The following CNTNAP5 variants were observed in gnomAD, a reference collection of about 807,000 sequenced individuals.
The protein encoded by CNTNAP5 is contactin associated protein family member 5, also known as contactin-associated protein-like 5.
A neutral mutation model predicts 150.2 loss-of-function variants in CNTNAP5; 72 were observed. The ratio of observed to expected loss-of-function variants is 0.48; its 90% CI spans 0.40 to 0.58. The LOEUF is 0.58. CNTNAP5 is among the 20% of genes least tolerant of loss of function. CNTNAP5 has a pLI of 0.00. For missense variants in CNTNAP5, 1,636 were observed against 1,626.2 expected (o/e 1.01, Z -0.10); for synonymous variants, 672 against 619.8 (o/e 1.08, Z -1.25).
At chr2:124,079,317 C>A (rs1490771265) in intron 1 of CNTNAP5, among the ~76,000 whole-genome samples, 1 of 152,148 alleles carries the variant, frequency 6.6e-6, no homozygotes, top group East Asian at 1.9e-4. Flanking sequence ...CCCATCACAC[C>A]ACGCCTCCTC....
chr2:124,375,331 T>A (rs913668732), intron 3 of CNTNAP5, among the ~76,000 whole-genome samples: 1 of 152,098 alleles, frequency 6.6e-6, no homozygotes, highest in Non-Finnish European at 1.5e-5. Context: ...ACATCACCAA[T>A]GAAAAAGCAT....
intron 13 of CNTNAP5, among the ~76,000 whole-genome samples, chr2:124,664,982 T>C (rs1418612965): frequency 2.6e-5 from 4 of 152,206 alleles, no homozygotes; most frequent in Admixed American, 2.0e-4. Flanking sequence ...CCACTGCACC[T>C]GGCCAGGAAG....
intron 19 of CNTNAP5, among the ~76,000 whole-genome samples, chr2:124,839,093 G>T (rs1048922240): frequency 7.9e-5 from 12 of 152,178 alleles, no homozygotes; most frequent in East Asian, 5.8e-4. Flanking sequence ...ATCAAAGAAG[G>T]CTCCCCTGGT....
intron 16 of CNTNAP5, 67 bp from the exon 17 acceptor site, chr2:124,772,732 C>A: frequency 8.2e-7 from 1 of 1,225,362 alleles, no homozygotes; most frequent in Non-Finnish European, 1.2e-6. Context: ...GTTTCTCCCA[C>A]TCAAGCCTGT....
intron 20 of CNTNAP5, among the ~76,000 whole-genome samples, chr2:124,867,755 T>C (rs1301629714): frequency 6.6e-6 from 1 of 152,214 alleles, no homozygotes; most frequent in African/African-American, 2.4e-5. Flanking sequence ...TTAAATTTCA[T>C]GTACATGCTG....
chr2:124,746,681 T>A (rs1680609761), intron 13 of CNTNAP5, among the ~76,000 whole-genome samples: 1 of 152,196 alleles, frequency 6.6e-6, no homozygotes, highest in Non-Finnish European at 1.5e-5. Context: ...AACTTCCTCA[T>A]TGTCTACCCA....
At chr2:124,690,641 C>T (rs1412868155) in intron 13 of CNTNAP5, among the ~76,000 whole-genome samples, 1 of 152,014 alleles carries the variant, frequency 6.6e-6, no homozygotes, top group East Asian at 1.9e-4. Flanking sequence ...TATTCCTCTA[C>T]ACTTCCCCTA....
At chr2:124,913,274 G>A (rs1450099316) in intron 23 of CNTNAP5, among the ~76,000 whole-genome samples, 2 of 152,040 alleles carry the variant, frequency 1.3e-5, no homozygotes, top group East Asian at 3.9e-4. Context: ...CTACATTCAT[G>A]CAGAGACACA....
chr2:124,434,816 G>A (rs975755058), intron 5 of CNTNAP5, 129 bp downstream of exon 5: 8 of 766,968 alleles, frequency 1.0e-5, no homozygotes, highest in African/African-American at 1.7e-5. Context: ...TATTGGTGGG[G>A]ATAGAAATGT....
chr2:124,155,170 A>T (rs1448774044), intron 1 of CNTNAP5, among the ~76,000 whole-genome samples: 1 of 143,762 alleles, frequency 7.0e-6, no homozygotes, highest in Non-Finnish European at 1.5e-5. Flanking sequence ...TCCATCAGTC[A>T]TTCAAGCTCT....
intron 1 of CNTNAP5, among the ~76,000 whole-genome samples, chr2:124,217,279 C>G (rs1170605): frequency 0.14 from 21,103 of 152,044 alleles, 2,007 homozygotes; most frequent in East Asian, 0.35. Flanking sequence ...TTTCTTCACC[C>G]CTTCTTCTTT....
At chr2:124,157,002 C>A (rs1684562538) in intron 1 of CNTNAP5, among the ~76,000 whole-genome samples, 1 of 152,178 alleles carries the variant, frequency 6.6e-6, no homozygotes, top group Admixed American at 6.5e-5. Context: ...GGAGCAGAGC[C>A]TGATACATAG....
At chr2:124,411,558 G>C (rs577166020) in intron 3 of CNTNAP5, among the ~76,000 whole-genome samples, 29 of 144,608 alleles carry the variant, frequency 2.0e-4, no homozygotes, top group Non-Finnish European at 3.7e-4. Context: ...TCCCTGGGAT[G>C]CAAGGCTGGT....
At chr2:124,632,252 C>G (rs1677876152) in intron 12 of CNTNAP5, among the ~76,000 whole-genome samples, 1 of 152,066 alleles carries the variant, frequency 6.6e-6, no homozygotes, top group African/African-American at 2.4e-5. Context: ...TACATGCGTG[C>G]ATATGTTCAA....
chr2:124,507,021 GA>G (rs2104866313), intron 8 of CNTNAP5, among the ~76,000 whole-genome samples: 1 of 152,134 alleles, frequency 6.6e-6, no homozygotes, highest in Non-Finnish European at 1.5e-5. Flanking sequence ...AAATTAACAG[GA>G]AAAAATGCAC....
intron 1 of CNTNAP5, among the ~76,000 whole-genome samples, chr2:124,156,841 TC>T (rs1234537778): frequency 6.6e-6 from 1 of 152,134 alleles, no homozygotes; most frequent in Non-Finnish European, 1.5e-5. Context: ...GGATCAAACT[TC>T]AGCTCCACCA....
intron 19 of CNTNAP5, among the ~76,000 whole-genome samples, chr2:124,840,895 A>T (rs963549634): frequency 2.0e-5 from 3 of 152,130 alleles, no homozygotes; most frequent in African/African-American, 7.2e-5. Flanking sequence ...AAACATGAGG[A>T]CCAAGCAATG....
intron 21 of CNTNAP5, among the ~76,000 whole-genome samples, chr2:124,897,934 CAAGTGTGTGT>C (rs1316875954): frequency 8.4e-6 from 1 of 118,788 alleles, no homozygotes; most frequent in Non-Finnish European, 1.7e-5. Context: ...AAGCAAATGC[CAAGTGTGTGT>C]GTGTGTGTGT....
At chr2:124,773,947 TGAGA>T (rs70999215) in intron 17 of CNTNAP5, among the ~76,000 whole-genome samples, 178 of 121,124 alleles carry the variant, frequency 1.5e-3, no homozygotes, top group African/African-American at 5.7e-3. Context: ...TGTGTGTGTG[TGAGA>T]GAGAGAGAGA....
Sources: gnomAD v4.1 joint callset for allele counts (sites outside exome capture counted in the v4.1 genomes callset) on GRCh38, gnomAD v4.1.1 for gene constraint, MANE v1.5 for transcripts, NCBI Gene and HGNC (gene_info 2026-07-23, HGNC 2026-07-21) for gene names.